FGF12: variants seen among roughly 807,000 people sequenced by gnomAD.
FGF12 encodes the protein fibroblast growth factor 12.
A neutral mutation model predicts 23.6 loss-of-function variants in FGF12; 14 were observed. The observed-to-expected ratio is 0.59, with a 90% CI of 0.39 to 0.93. The LOEUF is 0.93. Ranked by LOEUF, FGF12 falls within the 40% of genes least tolerant of loss-of-function variation. The probability of loss-of-function intolerance (pLI) is 0.00; values close to 1 mark genes in which losing one functional copy is unlikely to be tolerated. For missense variants in FGF12, 175 were observed against 217.8 expected (o/e 0.80, Z 1.24); for synonymous variants, 62 against 77.3 (o/e 0.80, Z 1.04).
At chr3:192,607,890 TC>T (rs1195090943) in intron 2 of FGF12, among the ~76,000 whole-genome samples, 2 of 150,670 alleles carry the variant, frequency 1.3e-5, no homozygotes, top group African/African-American at 4.9e-5. Flanking sequence ...TAGTTAACAT[TC>T]CCTGAGCACT....
intron 2 of FGF12, among the ~76,000 whole-genome samples, chr3:192,676,938 A>G (rs946970753): frequency 2.6e-5 from 4 of 152,202 alleles, no homozygotes; most frequent in African/African-American, 9.7e-5. Flanking sequence ...TCTGTTATTG[A>G]AGCCGCTCAG....
At chr3:192,552,463 G>C (rs1233265298) in intron 2 of FGF12, among the ~76,000 whole-genome samples, 1 of 152,048 alleles carries the variant, frequency 6.6e-6, no homozygotes, top group East Asian at 1.9e-4. Flanking sequence ...CATGTAAATA[G>C]AAAACCTTGA....
chr3:192,449,638 T>C (rs1439509964), intron 2 of FGF12, among the ~76,000 whole-genome samples: 1 of 152,142 alleles, frequency 6.6e-6, no homozygotes, highest in Non-Finnish European at 1.5e-5. Flanking sequence ...TGACCAACAG[T>C]GCCCAGCAGA....
chr3:192,576,671 T>A (rs1712903810), intron 2 of FGF12, among the ~76,000 whole-genome samples: 1 of 152,124 alleles, frequency 6.6e-6, no homozygotes, highest in Non-Finnish European at 1.5e-5. Context: ...TGCTCATATT[T>A]TAATATTAAG....
At chr3:192,507,182 G>C (rs988469707) in intron 2 of FGF12, among the ~76,000 whole-genome samples, 7 of 152,136 alleles carry the variant, frequency 4.6e-5, no homozygotes, top group Non-Finnish European at 4.4e-5. Flanking sequence ...GTGAGCCACT[G>C]TGCCCGGCCA....
chr3:192,501,891 C>T (rs1037738755), intron 2 of FGF12, among the ~76,000 whole-genome samples: 1 of 152,194 alleles, frequency 6.6e-6, no homozygotes, highest in African/African-American at 2.4e-5. Context: ...CATTGCTTGG[C>T]ACATGACATG....
chr3:192,454,566 T>G (rs1008978603), intron 2 of FGF12, among the ~76,000 whole-genome samples: 35 of 152,264 alleles, frequency 2.3e-4, no homozygotes, highest in Middle Eastern at 3.4e-3. Context: ...GCTTACTTCA[T>G]AAACCTAAAA....
chr3:192,727,124 T>C (rs1451357019), intron 2 of FGF12, 57 bp downstream of exon 2: 12 of 1,556,792 alleles, frequency 7.7e-6, no homozygotes, highest in East Asian at 2.4e-5. Context: ...TCGCCGAGGA[T>C]TGCCTTGGCC....
Position 192,408,027 on chromosome 3 carries a change from G to T in FGF12, c.14-47489C>A. ...CCACTCTCCGGGCTTCTACTGACCTGGTCTCCGCCTCACCGGCCTCTTGCG... is the reference window on the plus strand; with the variant it reads ...CCACTCTCCGGGCTTCTACTGACCTTGTCTCCGCCTCACCGGCCTCTTGCG... On this transcript the variant is annotated intron_variant, in intron 2 of 5. Coordinates refer to ENST00000445105, the MANE Select transcript of FGF12 (RefSeq NM_004113.6). This position sits in a 1 kb window ranked among gnomAD's most constrained non-coding sequence, Gnocchi z 7.3. 2 of 1,609,504 alleles carry T rather than the reference G, an allele frequency of 1.2e-6. No individual in the cohort carries two copies. The highest frequency in any genetic ancestry group is 1.7e-6 in the Non-Finnish European group (2 of 1,178,606).
chr3:192,659,716 C>T (rs529703609), intron 2 of FGF12, among the ~76,000 whole-genome samples: 4 of 152,208 alleles, frequency 2.6e-5, no homozygotes, highest in Admixed American at 1.3e-4. Flanking sequence ...GTTGAGGAAT[C>T]GCCACACTGA....
Position 192,328,506 on chromosome 3 carries a change from G to T in FGF12, c.228+6855C>A, listed in dbSNP as rs143626907. Among the ~76,000 whole-genome samples the T allele has an allele frequency of 2.6e-3, 391 of 152,272 alleles. 1 individual carries two copies. Among genetic ancestry groups the T allele is most frequent in the Admixed American group, 2.9e-3 (45 of 15,296 alleles). The stretch of plus-strand genomic sequence containing the variant: ...ACTCAACAGGAAGACGACAATAGAA[G>T]CTCAGTATTTGGTACTTCTACTGAA... On this transcript the variant is annotated intron_variant, in intron 4 of 5. Coordinates refer to ENST00000445105, the MANE Select transcript of FGF12 (RefSeq NM_004113.6).
At chr3:192,353,182 A>G (rs1051389227) in intron 3 of FGF12, among the ~76,000 whole-genome samples, 2 of 152,198 alleles carry the variant, frequency 1.3e-5, no homozygotes, top group African/African-American at 4.8e-5. Context: ...CAGATCAAAG[A>G]CAACCTCAGT....
At chr3:192,439,740 G>T (rs1160726505) in intron 2 of FGF12, among the ~76,000 whole-genome samples, 2 of 152,124 alleles carry the variant, frequency 1.3e-5, no homozygotes, top group Non-Finnish European at 2.9e-5. Context: ...ACTTTGGGAG[G>T]CCAAGGTGGG....
chr3:192,266,761 G>A (rs1470628758), intron 4 of FGF12, among the ~76,000 whole-genome samples: 2 of 150,816 alleles, frequency 1.3e-5, no homozygotes, highest in Admixed American at 6.6e-5. Context: ...TATTAACCAC[G>A]TTCTTTTCAA....
chr3:192,464,075 A>G (rs1487727803), intron 2 of FGF12, among the ~76,000 whole-genome samples: 1 of 152,170 alleles, frequency 6.6e-6, no homozygotes, highest in Non-Finnish European at 1.5e-5. Flanking sequence ...GTCCACCCTT[A>G]GAGATTCCAA....
intron 4 of FGF12, among the ~76,000 whole-genome samples, chr3:192,299,256 C>A (rs1250023505): frequency 6.6e-6 from 1 of 152,186 alleles, no homozygotes; most frequent in African/African-American, 2.4e-5. Context: ...CTGCCACCAC[C>A]AATTTGGAGA....
intron 2 of FGF12, among the ~76,000 whole-genome samples, chr3:192,492,589 T>C (rs35529004): frequency 6.6e-6 from 1 of 152,138 alleles, no homozygotes; most frequent in East Asian, 1.9e-4. Context: ...AAAAGTATGG[T>C]TATATTAAAG....
Position 192,428,457 on chromosome 3 carries a change from GATA to G in FGF12, c.14-67922_14-67920del, listed in dbSNP as rs534075388. Among the ~76,000 whole-genome samples the G allele has an allele frequency of 6.6e-5, 10 of 152,198 alleles. No individual in the cohort carries two copies. The East Asian group carries it at 1.9e-3, about 30-fold the overall frequency. On this transcript the variant is annotated intron_variant, in intron 2 of 5. Transcript: ENST00000445105. ...TTTTATACTCCTGACTTGTCAAACA[GATA>G]ATTATGAGAAGGTTCCATCTGAAAA...
chr3:192,444,580 A>G (rs892746393), intron 2 of FGF12, among the ~76,000 whole-genome samples: 1 of 152,196 alleles, frequency 6.6e-6, no homozygotes, highest in African/African-American at 2.4e-5. Context: ...TTCTAAGAAT[A>G]ATTCAAACAA....
Sources: allele counts gnomAD v4.1 joint callset (sites outside exome capture counted in the v4.1 genomes callset), GRCh38; gene constraint gnomAD v4.1.1; non-coding constraint Gnocchi (gnomAD v3.1); transcripts MANE v1.5; gene names NCBI Gene and HGNC (gene_info 2026-07-23, HGNC 2026-07-21).